The following B3GALT1 variants were observed in gnomAD, a reference collection of about 807,000 sequenced individuals.
B3GALT1 encodes the protein beta-1,3-galactosyltransferase 1, also known as UDP-Gal:betaGlcNAc beta 1,3-galactosyltransferase, polypeptide 1.
Under a neutral mutation model 23.2 loss-of-function variants are expected in B3GALT1, and 10 were observed. That is an observed-to-expected ratio of 0.43 (90% CI 0.27 to 0.73). The LOEUF is 0.73. Among genes scored for constraint, B3GALT1 ranks in the 30% least tolerant of loss-of-function variants. The pLI is 0.21. For missense variants in B3GALT1, 299 were observed against 405.4 expected (o/e 0.74, Z 2.25); for synonymous variants, 156 against 141.5 (o/e 1.10, Z -0.73).
chr2:167,741,601 A>C (rs1314238115), intron 3 of B3GALT1, among the ~76,000 whole-genome samples: 2 of 152,194 alleles, frequency 1.3e-5, no homozygotes, highest in African/African-American at 2.4e-5. Context: ...AAACAATGCC[A>C]GTGATAAAAA....
chr2:167,743,615 A>G (rs1219842578), intron 3 of B3GALT1, among the ~76,000 whole-genome samples: 2 of 151,962 alleles, frequency 1.3e-5, no homozygotes, highest in African/African-American at 2.4e-5. Context: ...GGTTTTGGTA[A>G]TAATATGTTT....
At chr2:167,490,499 A>G (rs542162656) in intron 2 of B3GALT1, among the ~76,000 whole-genome samples, 4 of 152,372 alleles carry the variant, frequency 2.6e-5, no homozygotes, top group Middle Eastern at 6.8e-3. Context: ...AAACAAGAGT[A>G]ATTGCAAAGC....
intron 2 of B3GALT1, among the ~76,000 whole-genome samples, chr2:167,538,803 C>A (rs1184943817): frequency 1.3e-5 from 2 of 152,048 alleles, no homozygotes; most frequent in Non-Finnish European, 2.9e-5. Flanking sequence ...GTAGAAGATT[C>A]TTTAAAATAC....
chr2:167,706,919 A>G (rs1686975040), intron 3 of B3GALT1, among the ~76,000 whole-genome samples: 1 of 152,230 alleles, frequency 6.6e-6, no homozygotes, highest in African/African-American at 2.4e-5. Flanking sequence ...GTGAAAGTAT[A>G]TTACTTCCCA....
intron 2 of B3GALT1, among the ~76,000 whole-genome samples, chr2:167,535,339 A>T (rs1683398115): frequency 6.6e-6 from 1 of 152,162 alleles, no homozygotes; most frequent in African/African-American, 2.4e-5. Context: ...TTCAGTGTAC[A>T]ATCTATACTG....
intron 3 of B3GALT1, among the ~76,000 whole-genome samples, chr2:167,649,550 A>G: frequency 6.6e-6 from 1 of 152,138 alleles, no homozygotes; most frequent in East Asian, 1.9e-4. Flanking sequence ...GAATTATACA[A>G]TACAGACCTT....
rs572389654 is a variant in B3GALT1, at chr2:167,518,941, G to A, written c.-410+28664G>A. Among the ~76,000 whole-genome samples, 11 of 152,252 alleles carry A rather than the reference G, an allele frequency of 7.2e-5. No homozygotes were observed. In the East Asian group the frequency reaches 1.7e-3, roughly 24 times the overall value. ...TCCTGTATAAGGCAATTAGTCTTAC[G>A]TGGAAGAAAACCATTCAAAGGCCAT... On this transcript the variant is annotated intron_variant, in intron 2 of 4. Coordinates refer to ENST00000392690, the MANE Select transcript of B3GALT1 (RefSeq NM_020981.4).
intron 2 of B3GALT1, among the ~76,000 whole-genome samples, chr2:167,529,415 A>G (rs1683283999): frequency 6.6e-6 from 1 of 151,836 alleles, no homozygotes. Flanking sequence ...CTAGTGCCAC[A>G]TTCTTGACAT....
chr2:167,602,812 TA>T (rs900303682), intron 2 of B3GALT1, among the ~76,000 whole-genome samples: 25 of 150,686 alleles, frequency 1.7e-4, no homozygotes, highest in Middle Eastern at 3.4e-3. Context: ...ATCTTGAGTT[TA>T]AAAAAAAAAT....
chr2:167,309,539 C>T (rs1301898590), intron 1 of B3GALT1, among the ~76,000 whole-genome samples: 1 of 151,986 alleles, frequency 6.6e-6, no homozygotes, highest in Non-Finnish European at 1.5e-5. Flanking sequence ...TCCATAGCTA[C>T]ACTGATCTAC....
intron 4 of B3GALT1, among the ~76,000 whole-genome samples, chr2:167,856,397 A>T (rs1156945170): frequency 2.0e-5 from 3 of 152,170 alleles, no homozygotes; most frequent in Non-Finnish European, 4.4e-5. Context: ...CCTGCTGGTG[A>T]ACATATTTGG....
chr2:167,830,764 T>A (rs1346522291), intron 4 of B3GALT1, among the ~76,000 whole-genome samples: 2 of 152,254 alleles, frequency 1.3e-5, no homozygotes, highest in East Asian at 3.8e-4. Flanking sequence ...TGATTTTAAA[T>A]TAGCAAGTCA....
intron 1 of B3GALT1, among the ~76,000 whole-genome samples, chr2:167,308,174 CTATTT>C (rs1041659368): frequency 1.3e-5 from 2 of 151,878 alleles, no homozygotes; most frequent in Non-Finnish European, 2.9e-5. Flanking sequence ...AATAATATCT[CTATTT>C]TATAACTGTT....
At chr2:167,510,032 A>C (rs1003881921) in intron 2 of B3GALT1, among the ~76,000 whole-genome samples, 1 of 152,214 alleles carries the variant, frequency 6.6e-6, no homozygotes, top group African/African-American at 2.4e-5. Context: ...AGTAGTGCTG[A>C]GTATTAGATG....
chr2:167,698,429 AT>A (rs1686820002), intron 3 of B3GALT1, among the ~76,000 whole-genome samples: 1 of 152,220 alleles, frequency 6.6e-6, no homozygotes, highest in Non-Finnish European at 1.5e-5. Flanking sequence ...GATGTAAAAA[AT>A]GGAGATTAGA....
chr2:167,790,515 A>G (rs948931891), intron 3 of B3GALT1, among the ~76,000 whole-genome samples: 1 of 152,188 alleles, frequency 6.6e-6, no homozygotes, highest in African/African-American at 2.4e-5. Flanking sequence ...TACTCTCGAC[A>G]CACAACCACA....
At chr2:167,850,487 G>A (rs1377140030) in intron 4 of B3GALT1, among the ~76,000 whole-genome samples, 2 of 152,200 alleles carry the variant, frequency 1.3e-5, no homozygotes, top group African/African-American at 2.4e-5. Flanking sequence ...ACAGAGTGGA[G>A]GTTCCTTGAA....
intron 1 of B3GALT1, among the ~76,000 whole-genome samples, chr2:167,405,445 T>G (rs1377374532): frequency 6.6e-6 from 1 of 152,144 alleles, no homozygotes; most frequent in Non-Finnish European, 1.5e-5. Context: ...ATTCTTCTTA[T>G]AGAAATCTTT....
chr2:167,293,988 T>C (rs955293486), intron 1 of B3GALT1, among the ~76,000 whole-genome samples: 1 of 152,082 alleles, frequency 6.6e-6, no homozygotes, highest in African/African-American at 2.4e-5. Context: ...CTTTTAGGTG[T>C]CTGAAGCCCC....
Sources: gnomAD v4.1 joint callset for allele counts (sites outside exome capture counted in the v4.1 genomes callset) on GRCh38, gnomAD v4.1.1 for gene constraint, MANE v1.5 for transcripts, NCBI Gene and HGNC (gene_info 2026-07-23, HGNC 2026-07-21) for gene names.